The following EMP2 variants were observed in gnomAD, a reference collection of about 807,000 sequenced individuals.
EMP2 encodes epithelial membrane protein 2.
A neutral mutation model predicts 13.7 loss-of-function variants in EMP2; 19 were observed. The ratio of observed to expected loss-of-function variants is 1.38; its 90% CI spans 0.97 to 2.03. The LOEUF (loss-of-function observed/expected upper bound fraction) is 2.03. EMP2 is among the 30% of genes most tolerant of loss of function. EMP2 has a pLI of 0.00. For missense variants in EMP2, 253 were observed against 220.7 expected, an observed-to-expected ratio of 1.15 and a Z score of -0.93; for synonymous variants, 97 against 84.7, an observed-to-expected ratio of 1.15 and a Z score of -0.80.
In EMP2 at chr16:10,529,865, A is replaced by C. The variant is rs958078560; in HGVS notation, c.*3040T>G. On this transcript the variant is annotated 3_prime_UTR_variant, in exon 5 of 5. Transcript: ENST00000359543. Reference sequence around the variant, plus strand: ...AGAATCACTTGAACCCAGGAGGCAGAGGTTGCGGTGAGCCAAGATGGTGCC... The same window carrying C: ...AGAATCACTTGAACCCAGGAGGCAGCGGTTGCGGTGAGCCAAGATGGTGCC... 8 of 143,122 alleles carry C rather than the reference A, an allele frequency of 5.6e-5. No individual in the cohort carries two copies. Among genetic ancestry groups the C allele is most frequent in the African/African-American group, 1.9e-4 (7 of 37,818 alleles). The allele number at this position is 143,122 out of a possible 1,614,324, so 8.9% of individuals were successfully genotyped here. A position where few individuals can be genotyped will look rare whatever the true frequency, so the allele number is the denominator to read the frequency against.
intron 1 of EMP2, among the ~76,000 whole-genome samples, chr16:10,553,551 GC>G (rs1460500475): frequency 6.6e-6 from 1 of 151,866 alleles, no homozygotes; most frequent in Non-Finnish European, 1.5e-5. Flanking sequence ...GGCTGGAGGG[GC>G]CGAAGGCTAG....
chr16:10,545,133 G>A (rs1285243300), intron 2 of EMP2: 2 of 152,136 alleles, frequency 1.3e-5, no homozygotes, highest in Middle Eastern at 3.2e-3. Flanking sequence ...ATACCCTGGG[G>A]GTGCTGGATA....
At chr16:10,564,872 G>A (rs1356669365) in intron 1 of EMP2, among the ~76,000 whole-genome samples, 1 of 152,174 alleles carries the variant, frequency 6.6e-6, no homozygotes, top group African/African-American at 2.4e-5. Flanking sequence ...TTCCTGTTTA[G>A]CTTACTCACT....
At chr16:10,571,731 T>C (rs572608207) in intron 1 of EMP2, among the ~76,000 whole-genome samples, 1 of 152,292 alleles carries the variant, frequency 6.6e-6, no homozygotes, top group African/African-American at 2.4e-5. Flanking sequence ...AGGCAAAAGA[T>C]GGCAGCGGTC....
intron 1 of EMP2, among the ~76,000 whole-genome samples, chr16:10,577,709 C>A (rs2050993179): frequency 6.6e-6 from 1 of 152,138 alleles, no homozygotes; most frequent in South Asian, 2.1e-4. Flanking sequence ...GACACACACA[C>A]ACACCCCTCC....
At chr16:10,558,238 G>C (rs2050846733) in intron 1 of EMP2, among the ~76,000 whole-genome samples, 6 of 152,038 alleles carry the variant, frequency 3.9e-5, no homozygotes, top group Admixed American at 3.9e-4. Flanking sequence ...TGTTGCCCAG[G>C]CTGGTCTCAA....
In EMP2 at chr16:10,543,569, C is replaced by T; in HGVS notation, c.169+1G>A. The T allele has an allele frequency of 6.2e-7, 1 of 1,614,124 alleles. No individual in the cohort carries two copies. On this transcript the variant is annotated splice_donor_variant, in intron 3 of 4. Coordinates refer to ENST00000359543, the MANE Select transcript of EMP2 (RefSeq NM_001424.6). LOFTEE classifies it high-confidence loss of function. ...AGTCAGCTTCCTTCATTCACACTTA[C>T]CTTGAAAGCTGTCATTGATGACTGT...
At chr16:10,541,413 G>C (rs2050697967) in intron 3 of EMP2, among the ~76,000 whole-genome samples, 1 of 152,186 alleles carries the variant, frequency 6.6e-6, no homozygotes. Context: ...AGGGGTGTGT[G>C]TGTGTGTGTA....
At chr16:10,551,447 C>A (rs2050787748) in intron 1 of EMP2, among the ~76,000 whole-genome samples, 1 of 152,194 alleles carries the variant, frequency 6.6e-6, no homozygotes. Flanking sequence ...TGCTCCGTTG[C>A]CCAGGCTGGA....
chr16:10,536,589 T>C (rs751874793), intron 4 of EMP2, among the ~76,000 whole-genome samples: 15 of 152,340 alleles, frequency 9.8e-5, no homozygotes, highest in Admixed American at 3.3e-4. Flanking sequence ...CATGTGGAAC[T>C]GTAAGTCCAT....
At position 10,532,821 on chromosome 16, in the gene EMP2, A is replaced by G. The variant is rs1439660709; in HGVS notation, c.*84T>C. 1.2e-5 allele frequency: 13 copies of G among 1,048,332 alleles called. No individual in the cohort carries two copies. The highest frequency in any genetic ancestry group is 1.3e-5 in the Non-Finnish European group (11 of 824,066). The allele number at this position is 1,048,332 out of a possible 1,614,324, so 64.9% of individuals were successfully genotyped here. On this transcript the variant is annotated 3_prime_UTR_variant, in exon 5 of 5. Transcript: ENST00000359543. Reference sequence around the variant, plus strand: ...AGGAAACAATACGTTTGCTAGAAAAACCTCAAAAAATAATGATTATATACA... The same window carrying G: ...AGGAAACAATACGTTTGCTAGAAAAGCCTCAAAAAATAATGATTATATACA...
intron 1 of EMP2, among the ~76,000 whole-genome samples, chr16:10,570,302 T>C (rs1596382183): frequency 6.6e-6 from 1 of 150,966 alleles, no homozygotes; most frequent in Non-Finnish European, 1.5e-5. Context: ...CACAGCTCAC[T>C]GTAGCCTTGA....
At chr16:10,541,633 C>G (rs1231812198) in intron 3 of EMP2, among the ~76,000 whole-genome samples, 1 of 152,178 alleles carries the variant, frequency 6.6e-6, no homozygotes, top group Non-Finnish European at 1.5e-5. Flanking sequence ...GCTTGCAGAG[C>G]TCAGGGAAGG....
Position 10,532,758 on chromosome 16 carries a change from C to CTTTTTCTTTTTCTTTTTTTT in EMP2, c.*146_*147insAAAAAAAAGAAAAAGAAAAA, listed in dbSNP as rs1567199104. 5.5e-6 allele frequency: 1 copy of CTTTTTCTTTTTCTTTTTTTT among 182,528 alleles called. No individual in the cohort carries two copies. The highest frequency in any genetic ancestry group is 8.3e-6 in the Non-Finnish European group (1 of 120,330). The allele number at this position is 182,528 out of a possible 1,614,324, so 11.3% of individuals were successfully genotyped here. A position where few individuals can be genotyped will look rare whatever the true frequency, so the allele number is the denominator to read the frequency against. Reference sequence around the variant, plus strand: ...CTTTTGGATTTTTTTTTTCTTTTTTCTTTTTTTTTTTTTTTTTTTTTTTTT... The same window carrying CTTTTTCTTTTTCTTTTTTTT: ...CTTTTGGATTTTTTTTTTCTTTTTTCTTTTTCTTTTTCTTTTTTTTTTTTTTTTTTTTTTTTTTTTTTTTT... On this transcript the variant is annotated 3_prime_UTR_variant, in exon 5 of 5. Coordinates refer to ENST00000359543, the MANE Select transcript of EMP2 (RefSeq NM_001424.6).
At position 10,547,626 on chromosome 16, in the gene EMP2, G is replaced by C. The variant is rs769867043; in HGVS notation, c.-9C>G. 1 of 1,614,132 alleles carries C rather than the reference G, an allele frequency of 6.2e-7. No individual in the cohort carries two copies. The highest frequency in any genetic ancestry group is 1.7e-5 in the Admixed American group (1 of 60,016). ...GCAAGAAGCACCAACATTTTCACAGGGCAGGGCGAGTCGAGGCGAGGGGTC... is the reference window on the plus strand; with the variant it reads ...GCAAGAAGCACCAACATTTTCACAGCGCAGGGCGAGTCGAGGCGAGGGGTC... On this transcript the variant is annotated 5_prime_UTR_variant, in exon 2 of 5. Transcript: ENST00000359543.
rs569158656 is a variant in EMP2, at chr16:10,543,919, GCA to G, written c.79-261_79-260del. On this transcript the variant is annotated intron_variant, in intron 2 of 4. Coordinates refer to ENST00000359543, the MANE Select transcript of EMP2 (RefSeq NM_001424.6). ...CTGTCATCCAGGCTGGAGGGCAGTG[GCA>G]CAGTCTTGGCTCACTGCAGCCTCCA... 2.0e-5 allele frequency among the ~76,000 whole-genome samples: 3 copies of G among 152,148 alleles called. No individual in the cohort carries two copies. In the South Asian group the frequency reaches 6.2e-4, roughly 32 times the overall value.
In EMP2 at chr16:10,543,491, C is replaced by T. The variant is rs1471216078; in HGVS notation, c.169+79G>A. On this transcript the variant is annotated intron_variant, in intron 3 of 4. Transcript: ENST00000359543. ...GTGAGTGGAGGAGAGGGTACGGAGT[C>T]GGGGAACCCGAAGCCTCACTCCTGA... The T allele has an allele frequency of 4.0e-6, 6 of 1,506,050 alleles. No individual in the cohort carries two copies. The East Asian group carries it at 6.8e-5, about 17-fold the overall frequency. The allele number at this position is 1,506,050 out of a possible 1,614,324, so 93.3% of individuals were successfully genotyped here. A position where few individuals can be genotyped will look rare whatever the true frequency, so the allele number is the denominator to read the frequency against.
chr16:10,554,039 T>C (rs77692255), intron 1 of EMP2, among the ~76,000 whole-genome samples: 1 of 139,434 alleles, frequency 7.2e-6, no homozygotes, highest in Admixed American at 6.9e-5. Context: ...TTCTTTCTTT[T>C]TTTTTTTTTT....
chr16:10,535,394 C>G (rs1468354457), intron 4 of EMP2, among the ~76,000 whole-genome samples: 1 of 152,074 alleles, frequency 6.6e-6, no homozygotes, highest in African/African-American at 2.4e-5. Flanking sequence ...TCAATTTTGA[C>G]TAAGCAGGCT....
Sources: allele counts gnomAD v4.1 joint callset (sites outside exome capture counted in the v4.1 genomes callset), GRCh38; gene constraint gnomAD v4.1.1; transcripts MANE v1.5; gene names NCBI Gene and HGNC (gene_info 2026-07-23, HGNC 2026-07-21).